PDXDC1: variants seen among roughly 807,000 people sequenced by gnomAD.
The protein encoded by PDXDC1 is pyridoxal dependent decarboxylase domain containing 1, also known as pyridoxal-dependent decarboxylase domain-containing protein 1.
Under a neutral mutation model 100.1 loss-of-function variants are expected in PDXDC1, and 42 were observed. The observed-to-expected ratio is 0.42, with a 90% confidence interval of 0.33 to 0.54. The LOEUF is 0.54. Among genes scored for constraint, PDXDC1 ranks in the 20% least tolerant of loss-of-function variants. The pLI, the probability that PDXDC1 is intolerant of heterozygous loss-of-function variation, is 0.10. For synonymous variants in PDXDC1, 260 were observed against 371.7 expected (o/e 0.70, Z 3.46); for missense variants, 636 against 979.2 (o/e 0.65, Z 4.68).
intron 16 of PDXDC1, 85 bp downstream of exon 16, chr16:15,030,141 T>C: frequency 1.8e-6 from 2 of 1,122,560 alleles, no homozygotes; most frequent in Non-Finnish European, 2.6e-6. Flanking sequence ...TCCATTCTCC[T>C]AGAGTTATTA....
rs184867455 is a variant in PDXDC1, at chr16:15,037,476, G to C, written c.*1201G>C. Reference sequence around the variant, plus strand: ...TGACATTTACACTTGTCAAAATGCAGGGGGTTTTTTTTGGTGCAGATGATT... The same window carrying C: ...TGACATTTACACTTGTCAAAATGCACGGGGTTTTTTTTGGTGCAGATGATT... On this transcript the variant is annotated 3_prime_UTR_variant, in exon 23 of 23. Transcript: ENST00000396410. The C allele has an allele frequency of 6.6e-6, 1 of 152,484 alleles. No homozygotes were observed. Among genetic ancestry groups the C allele is most frequent in the Non-Finnish European group, 1.5e-5 (1 of 68,240 alleles). 9.4% of individuals were successfully genotyped at this position (152,484 alleles called of 1,614,324 possible).
At chr16:14,976,407 A>G (rs1295872710) in intron 1 of PDXDC1, among the ~76,000 whole-genome samples, 1 of 152,270 alleles carries the variant, frequency 6.6e-6, no homozygotes, top group Non-Finnish European at 1.5e-5. Context: ...AGGTTGGGCC[A>G]GATGTCTTCA....
chr16:15,063,291 C>T, intron 16 of PDXDC1: 3 of 1,600,246 alleles, frequency 1.9e-6, no homozygotes, highest in Middle Eastern at 1.7e-4. Flanking sequence ...GACCTGTCAA[C>T]AAAGATCACA....
At chr16:15,097,789 CATG>C (rs1227930051) in intron 16 of PDXDC1, among the ~76,000 whole-genome samples, 1 of 152,144 alleles carries the variant, frequency 6.6e-6, no homozygotes, top group African/African-American at 2.4e-5. Context: ...TAGTCACCAT[CATG>C]ATTTTTAAAA....
intron 13 of PDXDC1, among the ~76,000 whole-genome samples, chr16:15,024,981 C>A (rs1257223150): frequency 6.6e-6 from 1 of 152,310 alleles, no homozygotes; most frequent in African/African-American, 2.4e-5. Flanking sequence ...GCCCTGAAAG[C>A]CCAGTGCCAG....
intron 1 of PDXDC1, among the ~76,000 whole-genome samples, chr16:14,983,324 T>G (rs1968433624): frequency 6.6e-6 from 1 of 152,254 alleles, no homozygotes; most frequent in Non-Finnish European, 1.5e-5. Context: ...TGTAATCTCA[T>G]CACTTTGGGA....
At chr16:15,059,340 A>T (rs2044632183) in intron 16 of PDXDC1, among the ~76,000 whole-genome samples, 1 of 152,170 alleles carries the variant, frequency 6.6e-6, no homozygotes, top group African/African-American at 2.4e-5. Context: ...GGTACCAGGG[A>T]GGTAGGTATT....
At chr16:15,054,878 A>T (rs2044440609) in intron 16 of PDXDC1, among the ~76,000 whole-genome samples, 1 of 152,210 alleles carries the variant, frequency 6.6e-6, no homozygotes, top group Admixed American at 6.5e-5. Flanking sequence ...TACAGCTGTG[A>T]CAGATGAAAC....
intron 16 of PDXDC1, among the ~76,000 whole-genome samples, chr16:15,043,339 T>C (rs576962589): frequency 6.6e-6 from 1 of 152,252 alleles, no homozygotes; most frequent in African/African-American, 2.4e-5. Flanking sequence ...CCCGGCCGGA[T>C]ATGAACCTTT....
At chr16:15,127,412 A>G (rs1338622511) in intron 16 of PDXDC1, 16 of 1,405,788 alleles carry the variant, frequency 1.1e-5, no homozygotes, top group Non-Finnish European at 1.6e-5. Flanking sequence ...GGCTCTGGGC[A>G]TGGTGCCGAG....
At chr16:15,068,344 A>G in intron 16 of PDXDC1, 1 of 1,503,726 alleles carries the variant, frequency 6.7e-7, no homozygotes, top group South Asian at 1.3e-5. Flanking sequence ...AGATACTTTT[A>G]AAAGCACAAA....
At chr16:15,017,044 G>T (rs1337323711) in intron 9 of PDXDC1, 76 bp from the exon 10 acceptor site, 1 of 1,480,266 alleles carries the variant, frequency 6.8e-7, no homozygotes, top group Non-Finnish European at 9.4e-7. Flanking sequence ...CAACAGCACA[G>T]CCTTTATTTT....
rs2043561772 is a variant in PDXDC1, at chr16:15,037,695, A to ATTCAG, written c.*1423_*1427dup. 5.2e-6 allele frequency: 1 copy of ATTCAG among 192,896 alleles called. No individual in the cohort carries two copies. The highest frequency in any genetic ancestry group is 2.3e-5 in the African/African-American group (1 of 43,150). 11.9% of individuals were successfully genotyped at this position (192,896 alleles called of 1,614,324 possible). On this transcript the variant is annotated 3_prime_UTR_variant, in exon 23 of 23. Coordinates refer to ENST00000396410, the MANE Select transcript of PDXDC1 (RefSeq NM_015027.4). ...AGGTTCTTGAAATTGTTACCAGTGA[A>ATTCAG]TTCAGTTTATAAATCTTATTACAAA...
At chr16:15,048,538 A>C (rs2044172573) in intron 16 of PDXDC1, among the ~76,000 whole-genome samples, 1 of 151,932 alleles carries the variant, frequency 6.6e-6, no homozygotes, top group Non-Finnish European at 1.5e-5. Context: ...TCTTTACTAA[A>C]GAGTGTGAGA....
intron 12 of PDXDC1, among the ~76,000 whole-genome samples, chr16:15,020,800 A>G (rs939776537): frequency 6.6e-6 from 1 of 151,816 alleles, no homozygotes; most frequent in Non-Finnish European, 1.5e-5. Flanking sequence ...CCTGGCCAAC[A>G]TGGTGAGACT....
intron 16 of PDXDC1, chr16:15,131,577 C>T (rs1382971839): frequency 1.1e-5 from 17 of 1,606,792 alleles, no homozygotes; most frequent in African/African-American, 6.8e-5. Context: ...CGCGGGAGCG[C>T]GTGAGGATGC....
At chr16:15,140,133 G>GC (rs1567327431), downstream of PDXDC1, among the ~76,000 whole-genome samples, 2 of 149,694 alleles carry the variant, frequency 1.3e-5, no homozygotes, top group African/African-American at 4.9e-5. Context: ...AGAAAGGGAG[G>GC]AGAGAGAGAA....
At chr16:15,015,038 C>A (rs1209958353) in intron 8 of PDXDC1, among the ~76,000 whole-genome samples, 2 of 152,358 alleles carry the variant, frequency 1.3e-5, no homozygotes, top group Middle Eastern at 3.4e-3. Flanking sequence ...CCCAGGTTCA[C>A]GCCATTCTCC....
Position 15,032,859 on chromosome 16 carries a change from A to T in PDXDC1, c.1572-2A>T. 1 of 1,498,814 alleles carries T rather than the reference A, an allele frequency of 6.7e-7. No homozygotes were observed. The allele number at this position is 1,498,814 out of a possible 1,614,324, so 92.8% of individuals were successfully genotyped here. ...AAATGCTGTGGTTTGATGTTGTTTT[A>T]GGTATGAACATGCTAATGATGATAA... On this transcript the variant is annotated splice_acceptor_variant, in intron 17 of 22. Transcript: ENST00000396410. LOFTEE classifies it high-confidence loss of function.
Sources: gnomAD v4.1 joint callset for allele counts (sites outside exome capture counted in the v4.1 genomes callset) on GRCh38, gnomAD v4.1.1 for gene constraint, MANE v1.5 for transcripts, NCBI Gene and HGNC (gene_info 2026-07-23, HGNC 2026-07-21) for gene names.